Variants in PHF24 observed in about 807,000 individuals in gnomAD.
The protein encoded by PHF24 is Galpha inhibitory interacting protein.
In PHF24, 25 loss-of-function variants were observed where a neutral mutation model predicts 42.6. That is an observed-to-expected ratio of 0.59 (90% CI 0.43 to 0.82). The LOEUF (loss-of-function observed/expected upper bound fraction) is 0.82, where lower values mean the gene tolerates loss of function less well. Ranked by LOEUF, PHF24 falls within the 40% of genes least tolerant of loss-of-function variation. The pLI, the probability that PHF24 is intolerant of heterozygous loss-of-function variation, is 0.00. For synonymous variants in PHF24, 185 were observed against 204.8 expected (o/e 0.90, Z 0.83); for missense variants, 470 against 538.1 (o/e 0.87, Z 1.25).
the PHF24 span, among the ~76,000 whole-genome samples, chr9:34,758,752 C>T: frequency 6.6e-6 from 1 of 152,096 alleles, no homozygotes; most frequent in African/African-American, 2.4e-5. The surrounding 1 kb of genome is among the most constrained non-coding windows in gnomAD (Gnocchi z 4.4). Context: ...GGCAATGTAG[C>T]TGTGTGAATA....
chr9:34,887,542 C>T, the PHF24 span, among the ~76,000 whole-genome samples: 1 of 152,188 alleles, frequency 6.6e-6, no homozygotes, highest in African/African-American at 2.4e-5. Flanking sequence ...CTCCAACCTC[C>T]AGGCATCTGC....
chr9:34,969,640 C>CA (rs397959655), intron 1 of PHF24, among the ~76,000 whole-genome samples: 11,138 of 123,824 alleles, frequency 0.09, 418 homozygotes, highest in African/African-American at 0.12. Flanking sequence ...GACTCTGTCT[C>CA]AAAAAAAAAA....
chr9:34,777,535 G>A, the PHF24 span, among the ~76,000 whole-genome samples: 2 of 152,178 alleles, frequency 1.3e-5, no homozygotes, highest in African/African-American at 4.8e-5. Flanking sequence ...TGCCCTCAGT[G>A]GTGGCAGCCT....
At chr9:34,889,697 C>T in the PHF24 span, 1 of 398,008 alleles carries the variant, frequency 2.5e-6, no homozygotes, top group African/African-American at 2.1e-5. Context: ...ACTCTTAGCC[C>T]TAGAAAGTGT....
exon 8 of PHF24, chr9:34,978,339 T>C (rs1447541723): frequency 1.4e-5 from 8 of 560,004 alleles, no homozygotes; most frequent in Non-Finnish European, 2.3e-5. Flanking sequence ...CATCCTCTCC[T>C]GGACCGCCCC....
At chr9:34,910,813 T>G in the PHF24 span, among the ~76,000 whole-genome samples, 1 of 152,050 alleles carries the variant, frequency 6.6e-6, no homozygotes, top group Admixed American at 6.5e-5. Flanking sequence ...ATATGACTTG[T>G]ATCTTGTCTT....
At chr9:34,849,716 G>C in the PHF24 span, among the ~76,000 whole-genome samples, 1 of 152,136 alleles carries the variant, frequency 6.6e-6, no homozygotes, top group Non-Finnish European at 1.5e-5. Context: ...TTACAATTTG[G>C]CATGATTTTG....
chr9:34,747,970 A>G, the PHF24 span, among the ~76,000 whole-genome samples: 1 of 152,236 alleles, frequency 6.6e-6, no homozygotes, highest in Admixed American at 6.5e-5. Flanking sequence ...CTAAACAACA[A>G]TGAAAATGAA....
At chr9:34,948,770 A>G in the PHF24 span, among the ~76,000 whole-genome samples, 1 of 152,098 alleles carries the variant, frequency 6.6e-6, no homozygotes, top group African/African-American at 2.4e-5. Context: ...TGTATTTCAC[A>G]GTCTGAAAAA....
the PHF24 span, among the ~76,000 whole-genome samples, chr9:34,812,376 A>G: frequency 6.6e-6 from 1 of 152,216 alleles, no homozygotes; most frequent in Non-Finnish European, 1.5e-5. Flanking sequence ...TGTGGAAAAC[A>G]TTTCGTGGTT....
At chr9:34,919,299 A>G in the PHF24 span, among the ~76,000 whole-genome samples, 1 of 152,208 alleles carries the variant, frequency 6.6e-6, no homozygotes, top group East Asian at 1.9e-4. Flanking sequence ...ATTTCCTTGT[A>G]TTGGGAACAT....
At chr9:34,973,963 C>T (rs146784493) in intron 3 of PHF24, among the ~76,000 whole-genome samples, 68 of 151,964 alleles carry the variant, frequency 4.5e-4, no homozygotes, top group East Asian at 1.7e-3. Context: ...TTCCAAGTAC[C>T]TCTCCTTTCT....
At chr9:34,707,635 G>A in the PHF24 span, among the ~76,000 whole-genome samples, 1 of 152,188 alleles carries the variant, frequency 6.6e-6, no homozygotes, top group Admixed American at 6.5e-5. Context: ...GGTAAGTGCT[G>A]TGGCATACTC....
At chr9:34,891,529 C>G in the PHF24 span, among the ~76,000 whole-genome samples, 2 of 152,204 alleles carry the variant, frequency 1.3e-5, no homozygotes, top group Non-Finnish European at 2.9e-5. Context: ...TAGGTCAGGG[C>G]TGTACTGCTC....
At chr9:34,943,699 A>G in the PHF24 span, among the ~76,000 whole-genome samples, 2 of 152,008 alleles carry the variant, frequency 1.3e-5, no homozygotes, top group Non-Finnish European at 2.9e-5. Context: ...GTTGCTACCT[A>G]CTTTTCTCCC....
rs771526328 is a variant in PHF24, at chr9:34,972,537, T to A, written c.564+6T>A. ...GCTGGAGCTGCCACTACTGTGTAAG[T>A]CTGGACTGCAGGGACAGCAGAGGAC... On this transcript the variant is annotated splice_donor_region_variant and intron_variant, in intron 3 of 7. Transcript: ENST00000242315. 1 of 1,600,614 alleles carries A rather than the reference T, an allele frequency of 6.2e-7. No individual in the cohort carries two copies. Among genetic ancestry groups the A allele is most frequent in the Non-Finnish European group, 8.5e-7 (1 of 1,172,066 alleles).
In PHF24 at chr9:34,977,753, G is replaced by A. The variant is rs1364446970; in HGVS notation, c.1106+112G>A. The A allele has an allele frequency of 6.2e-6, 6 of 964,156 alleles. No individual in the cohort carries two copies. The East Asian group carries it at 1.3e-4, about 21-fold the overall frequency. The allele number at this position is 964,156 out of a possible 1,614,324, so 59.7% of individuals were successfully genotyped here. On this transcript the variant is annotated intron_variant, in intron 7 of 7. Coordinates refer to ENST00000242315, the Ensembl canonical transcript of PHF24. Reference sequence around the variant, plus strand: ...TCCAAAACAGCAAGCGCCCACCCAAGAAACCAGGCTCCAAGAGTGCACATT... The same window carrying A: ...TCCAAAACAGCAAGCGCCCACCCAAAAAACCAGGCTCCAAGAGTGCACATT...
chr9:34,826,678 C>G, the PHF24 span, among the ~76,000 whole-genome samples: 1 of 152,084 alleles, frequency 6.6e-6, no homozygotes, highest in Non-Finnish European at 1.5e-5. Context: ...TCCCTCCAGC[C>G]AATTCCGAAG....
At chr9:34,936,707 G>A in the PHF24 span, among the ~76,000 whole-genome samples, 2 of 149,180 alleles carry the variant, frequency 1.3e-5, no homozygotes, top group South Asian at 2.1e-4. Context: ...TGTGGGGAGC[G>A]CCTCTGCCCC....
Sources: allele counts gnomAD v4.1 joint callset (sites outside exome capture counted in the v4.1 genomes callset), GRCh38; gene constraint gnomAD v4.1.1; non-coding constraint Gnocchi (gnomAD v3.1); transcripts MANE v1.5; gene names NCBI Gene and HGNC (gene_info 2026-07-23, HGNC 2026-07-21).